Variants in ZNF454 observed in about 807,000 individuals in gnomAD.
ZNF454 encodes zinc finger protein 454.
A neutral mutation model predicts 48.2 loss-of-function variants in ZNF454; 30 were observed. That is an observed-to-expected ratio of 0.62 (90% CI 0.47 to 0.84). ZNF454 has a LOEUF of 0.84. ZNF454 is among the 40% of genes least tolerant of loss of function. The pLI is 0.00. For synonymous variants in ZNF454, 204 were observed against 211.4 expected (o/e 0.97, Z 0.30); for missense variants, 510 against 623.1 (o/e 0.82, Z 1.93).
At chr5:178,987,617 G>A in the ZNF454 span, 1 of 368,498 alleles carries the variant, frequency 2.7e-6, no homozygotes, top group East Asian at 7.3e-5. Context: ...ACAATTCATA[G>A]AGAGGGGCCG....
intron 2 of ZNF454, among the ~76,000 whole-genome samples, chr5:178,945,069 GT>G (rs1379467818): frequency 3.3e-4 from 46 of 140,554 alleles, no homozygotes; most frequent in Non-Finnish European, 6.7e-4. Flanking sequence ...CAGGGTGTGT[GT>G]GGGGGTATTT....
At chr5:178,951,460 C>T (rs1679839055) in intron 4 of ZNF454, among the ~76,000 whole-genome samples, 1 of 152,174 alleles carries the variant, frequency 6.6e-6, no homozygotes. Flanking sequence ...ATCTCCTGTG[C>T]TTCTCTTTGT....
rs1262728737 is a variant in ZNF454, at chr5:178,946,093, A to T, written c.34-266A>T. 6.6e-6 allele frequency among the ~76,000 whole-genome samples: 1 copy of T among 152,210 alleles called. No individual in the cohort carries two copies. Among genetic ancestry groups the T allele is most frequent in the African/African-American group, 2.4e-5 (1 of 41,514 alleles). ...GGAGATGGAGAAAATGTTCTGGGCT[A>T]AATGAATGGCAAGTTGGAAGTCCCA... On this transcript the variant is annotated intron_variant, in intron 2 of 4. Transcript: ENST00000519564. This position sits in a 1 kb window ranked among gnomAD's most constrained non-coding sequence, Gnocchi z 4.5.
intron 4 of ZNF454, among the ~76,000 whole-genome samples, chr5:178,950,369 G>A (rs1433242735): frequency 2.6e-5 from 4 of 152,184 alleles, no homozygotes; most frequent in Non-Finnish European, 5.9e-5. Context: ...TGTGAGGCAA[G>A]GATGACTGAC....
chr5:178,954,408 C>T (rs1759673404), intron 4 of ZNF454, among the ~76,000 whole-genome samples: 1 of 152,042 alleles, frequency 6.6e-6, no homozygotes. Flanking sequence ...ATACTTGATA[C>T]TAATAATGGA....
chr5:178,963,841 T>C (rs939589677), intron 4 of ZNF454, among the ~76,000 whole-genome samples: 1 of 151,744 alleles, frequency 6.6e-6, no homozygotes, highest in Non-Finnish European at 1.5e-5. Flanking sequence ...TTATTATTCA[T>C]CTGAATGCTC....
chr5:178,977,947 A>G, the ZNF454 span, among the ~76,000 whole-genome samples: 2 of 152,130 alleles, frequency 1.3e-5, no homozygotes, highest in Non-Finnish European at 1.5e-5. Flanking sequence ...AATTCTATCC[A>G]ACTGGTCAGT....
At chr5:178,973,902 C>G in the ZNF454 span, among the ~76,000 whole-genome samples, 8 of 150,240 alleles carry the variant, frequency 5.3e-5, no homozygotes, top group East Asian at 1.6e-3. Context: ...ATTTATATTA[C>G]TTCTGCCATT....
the ZNF454 span, chr5:178,981,182 T>C: frequency 5.6e-6 from 1 of 179,678 alleles, no homozygotes; most frequent in African/African-American, 2.4e-5. This position sits in a 1 kb window ranked among gnomAD's most constrained non-coding sequence, Gnocchi z 5.1. Context: ...TCCATCCAGA[T>C]GCACAGCCCC....
Position 178,946,884 on chromosome 5 carries a change from C to G in ZNF454, c.161-13C>G, listed in dbSNP as rs1171734606. 6.2e-7 allele frequency: 1 copy of G among 1,609,580 alleles called. No homozygotes were observed. The highest frequency in any genetic ancestry group is 1.7e-5 in the Admixed American group (1 of 59,372). ...AACAGATGTGGTTCATTTTTGTCTC[C>G]CCTTAAAAACAGGACTCTTAGGACC... On this transcript the variant is annotated splice_polypyrimidine_tract_variant and intron_variant, in intron 3 of 4. Transcript: ENST00000519564. The surrounding 1 kb of genome is among the most constrained non-coding windows in gnomAD (Gnocchi z 4.5).
the ZNF454 span, among the ~76,000 whole-genome samples, chr5:178,987,978 T>C: frequency 6.6e-6 from 1 of 151,322 alleles, no homozygotes; most frequent in East Asian, 1.9e-4. Context: ...CAGGCTGGTC[T>C]CGAACTCCTG....
chr5:178,966,472 A>C (rs1303336783), downstream of ZNF454: 1 of 151,890 alleles, frequency 6.6e-6, no homozygotes, highest in Admixed American at 6.6e-5. Flanking sequence ...AACACTCCTC[A>C]TTCTTTAATA....
chr5:178,964,204 T>C (rs2113276804), intron 4 of ZNF454, among the ~76,000 whole-genome samples: 1 of 151,568 alleles, frequency 6.6e-6, no homozygotes, highest in South Asian at 2.1e-4. Flanking sequence ...CACTGCAAGC[T>C]CCGCCTCCCG....
chr5:178,986,945 C>T, the ZNF454 span: 1 of 1,614,084 alleles, frequency 6.2e-7, no homozygotes, highest in South Asian at 1.1e-5. Context: ...CCGGGCGCAT[C>T]TCCGTTCTCG....
downstream of ZNF454, among the ~76,000 whole-genome samples, chr5:178,967,155 T>C (rs1229907081): frequency 6.6e-6 from 1 of 152,230 alleles, no homozygotes; most frequent in African/African-American, 2.4e-5. Flanking sequence ...GTGCCGCCTT[T>C]ACCCTCCAAT....
chr5:178,958,657 G>A (rs1045741423), intron 4 of ZNF454, among the ~76,000 whole-genome samples: 3 of 152,210 alleles, frequency 2.0e-5, no homozygotes, highest in Non-Finnish European at 4.4e-5. Flanking sequence ...GAGCCAAATA[G>A]TTTTCCGAAG....
the ZNF454 span, chr5:178,987,198 A>G: frequency 1.5e-6 from 1 of 687,658 alleles, no homozygotes; most frequent in East Asian, 2.8e-5. Flanking sequence ...GAGCGTGTGG[A>G]GAAGTCGGAA....
Position 178,941,560 on chromosome 5 carries a change from T to C in ZNF454, c.-108+116T>C. The C allele has an allele frequency of 2.2e-6, 1 of 450,770 alleles. No individual in the cohort carries two copies. The highest frequency in any genetic ancestry group is 1.6e-5 in the South Asian group (1 of 64,080). The allele number at this position is 450,770 out of a possible 1,614,324, so 27.9% of individuals were successfully genotyped here. ...ATGGAGCCAGGGCCTCTGGCATGTG[T>C]CTTGGAGCGGACTCCGAGAAGCCCA... On this transcript the variant is annotated intron_variant, in intron 1 of 4. Coordinates refer to ENST00000519564, the MANE Select transcript of ZNF454 (RefSeq NM_001178089.3). The surrounding 1 kb of genome is among the most constrained non-coding windows in gnomAD (Gnocchi z 5.5).
intron 4 of ZNF454, among the ~76,000 whole-genome samples, chr5:178,957,547 C>G (rs962301139): frequency 1.3e-5 from 2 of 152,012 alleles, no homozygotes; most frequent in African/African-American, 4.8e-5. Flanking sequence ...GTAGCTGGGA[C>G]TACAGTCGCC....
Sources: gnomAD v4.1 joint callset for allele counts (sites outside exome capture counted in the v4.1 genomes callset) on GRCh38, gnomAD v4.1.1 for gene constraint, Gnocchi (gnomAD v3.1) non-coding constraint, MANE v1.5 for transcripts, NCBI Gene and HGNC (gene_info 2026-07-23, HGNC 2026-07-21) for gene names.